Variants in PDS5B observed in about 807,000 individuals in gnomAD.
PDS5B encodes PDS5 cohesin associated factor B.
A neutral mutation model predicts 184.1 loss-of-function variants in PDS5B; 51 were observed. The observed-to-expected ratio is 0.28, with a 90% CI of 0.22 to 0.35. PDS5B has a LOEUF of 0.35. PDS5B is among the 10% of genes least tolerant of loss of function. The probability of loss-of-function intolerance (pLI) is 1.00; values close to 1 mark genes in which losing one functional copy is unlikely to be tolerated. For synonymous variants in PDS5B, 566 were observed against 569.2 expected, an observed-to-expected ratio of 0.99 and a Z score of 0.08; for missense variants, 1,180 against 1,723.3, an observed-to-expected ratio of 0.68 and a Z score of 5.58.
chr13:32,652,052 T>C, intron 3 of PDS5B, 45 bp downstream of exon 3: 2 of 1,301,876 alleles, frequency 1.5e-6, no homozygotes, highest in Non-Finnish European at 2.2e-6. Context: ...GATACTTTGA[T>C]TTATCTTTCT....
chr13:32,754,557 G>T (rs1332187287), intron 25 of PDS5B, among the ~76,000 whole-genome samples: 1 of 150,742 alleles, frequency 6.6e-6, no homozygotes, highest in East Asian at 1.9e-4. Context: ...CAGTTTTGGG[G>T]TTACCACATC....
chr13:32,726,821 C>A (rs1042894703), intron 19 of PDS5B, among the ~76,000 whole-genome samples: 2 of 152,016 alleles, frequency 1.3e-5, no homozygotes, highest in African/African-American at 4.8e-5. Flanking sequence ...GAATATGAGG[C>A]GGGAGGATCA....
chr13:32,662,805 C>G (rs35792522), intron 6 of PDS5B, among the ~76,000 whole-genome samples: 1 of 151,972 alleles, frequency 6.6e-6, no homozygotes, highest in Admixed American at 6.5e-5. Context: ...CATCAAAACC[C>G]TAAGTTAGTA....
chr13:32,701,626 A>G (rs1388645247), intron 17 of PDS5B, among the ~76,000 whole-genome samples, 188 bp downstream of exon 17: 2 of 151,082 alleles, frequency 1.3e-5, no homozygotes, highest in Non-Finnish European at 2.9e-5. Context: ...ACACACATAT[A>G]TATATATATA....
chr13:32,628,346 C>T (rs1264520706), intron 1 of PDS5B, among the ~76,000 whole-genome samples: 2 of 151,910 alleles, frequency 1.3e-5, no homozygotes, highest in African/African-American at 4.8e-5. Context: ...CACTTGAGGT[C>T]AGGAGTTCGA....
At chr13:32,727,988 TTCTC>T (rs1274271736) in intron 19 of PDS5B, among the ~76,000 whole-genome samples, 1 of 151,990 alleles carries the variant, frequency 6.6e-6, no homozygotes, top group Non-Finnish European at 1.5e-5. Flanking sequence ...TTGCCCTTTT[TTCTC>T]TCTCATTTTA....
At chr13:32,773,379 G>A (rs1276391559) in intron 34 of PDS5B, 55 bp downstream of exon 34, 23 of 1,465,746 alleles carry the variant, frequency 1.6e-5, no homozygotes, top group Middle Eastern at 1.8e-4. Context: ...GTTAGTAAAT[G>A]TTTGGTTAGA....
intron 24 of PDS5B, among the ~76,000 whole-genome samples, chr13:32,747,750 G>A (rs192789622): frequency 3.0e-4 from 45 of 152,280 alleles, no homozygotes; most frequent in African/African-American, 1.0e-3. Context: ...ATTAAATTGG[G>A]AAGACCTGCA....
chr13:32,709,617 T>C (rs1433927699), intron 18 of PDS5B, among the ~76,000 whole-genome samples: 1 of 152,102 alleles, frequency 6.6e-6, no homozygotes, highest in Non-Finnish European at 1.5e-5. Context: ...TGTTAAATTC[T>C]CTCTTCATGT....
chr13:32,707,783 A>G lies in PDS5B; in HGVS notation c.1962+744A>G, dbSNP rs539207392. 3.3e-5 allele frequency among the ~76,000 whole-genome samples: 5 copies of G among 151,442 alleles called. No homozygotes were observed. The East Asian group carries it at 9.7e-4, about 29-fold the overall frequency. ...AATTTCTTAGCACCATGCCTAGCTC[A>G]TAGTAAAAATAATAATAAACATTTT... On this transcript the variant is annotated intron_variant, in intron 18 of 34. Coordinates refer to ENST00000315596, the MANE Select transcript of PDS5B (RefSeq NM_015032.4).
chr13:32,731,332 A>T (rs937470566), intron 19 of PDS5B, among the ~76,000 whole-genome samples: 5 of 152,050 alleles, frequency 3.3e-5, no homozygotes, highest in Non-Finnish European at 7.4e-5. Context: ...ATTCGTTTTA[A>T]ATGTTTGAGT....
intron 6 of PDS5B, among the ~76,000 whole-genome samples, chr13:32,662,041 G>T (rs1335382857): frequency 6.6e-6 from 1 of 152,106 alleles, no homozygotes; most frequent in East Asian, 1.9e-4. Context: ...TGTAAGACAG[G>T]TTCTCAGATT....
chr13:32,770,394 G>A lies in PDS5B; in HGVS notation c.3898G>A (p.Gly1300Ser), dbSNP rs752330884. The change falls in exon 32 of 35, where the codon GGT (glycine) becomes AGT (serine). Residue 1300 changes from glycine to serine, a missense_variant. Physicochemically the swap from Gly to Ser is moderately conservative, Grantham distance 56. Transcript: ENST00000315596. ...RGRPPKPLGGGTPKEEPTMKT... is the reference protein window; with the variant it reads ...RGRPPKPLGGSTPKEEPTMKT... ...CCGACCACCAAAACCTCTTGGTGGA[G>A]GTACACCAAAAGAAGAGCCAACAAT... is the stretch of plus-strand genomic sequence containing the variant. 6.2e-7 allele frequency: 1 copy of A among 1,613,010 alleles called. No homozygotes were observed. The highest frequency in any genetic ancestry group is 8.5e-7 in the Non-Finnish European group (1 of 1,179,816).
At chr13:32,770,922 C>G (rs1566433537) in intron 33 of PDS5B, 161 bp downstream of exon 33, 4 of 617,620 alleles carry the variant, frequency 6.5e-6, no homozygotes, top group Non-Finnish European at 1.2e-5. Flanking sequence ...ATTGATATCT[C>G]AATAAACTAT....
chr13:32,673,906 C>G (rs574092761), intron 8 of PDS5B, among the ~76,000 whole-genome samples: 2 of 152,064 alleles, frequency 1.3e-5, no homozygotes, highest in South Asian at 4.2e-4. Context: ...ACCTGTGCCT[C>G]TCGGGATCAA....
At chr13:32,654,216 C>T (rs929077504) in intron 3 of PDS5B, among the ~76,000 whole-genome samples, 4 of 152,128 alleles carry the variant, frequency 2.6e-5, no homozygotes, top group Admixed American at 2.0e-4. Flanking sequence ...TCTTGATTAG[C>T]GGCAAATTCG....
intron 10 of PDS5B, among the ~76,000 whole-genome samples, chr13:32,682,474 T>C (rs1951274750): frequency 6.6e-6 from 1 of 152,226 alleles, no homozygotes; most frequent in Non-Finnish European, 1.5e-5. Flanking sequence ...TGTTAATTTA[T>C]TCTTTATTAT....
intron 1 of PDS5B, among the ~76,000 whole-genome samples, chr13:32,622,952 G>A (rs1202759561): frequency 6.6e-6 from 1 of 152,150 alleles, no homozygotes; most frequent in African/African-American, 2.4e-5. Context: ...ATGGGAGATA[G>A]TTCTTAAATC....
At chr13:32,588,436 CA>C in intron 1 of PDS5B, among the ~76,000 whole-genome samples, 1 of 152,082 alleles carries the variant, frequency 6.6e-6, no homozygotes, top group East Asian at 1.9e-4. Context: ...TAAAAATTAC[CA>C]AAATAGTGAC....
Sources: allele counts gnomAD v4.1 joint callset (sites outside exome capture counted in the v4.1 genomes callset), GRCh38; gene constraint gnomAD v4.1.1; transcripts MANE v1.5; gene names NCBI Gene and HGNC (gene_info 2026-07-23, HGNC 2026-07-21).